Variants in KLHL31 observed in about 807,000 individuals in gnomAD.
KLHL31 encodes the protein kelch like family member 31, also known as kelch-like protein 31.
Under a neutral mutation model 47.1 loss-of-function variants are expected in KLHL31, and 32 were observed. The observed-to-expected ratio is 0.68, with a 90% confidence interval of 0.51 to 0.91. KLHL31 has a LOEUF of 0.91. Ranked by LOEUF, KLHL31 falls within the 40% of genes least tolerant of loss-of-function variation. The pLI is 0.00. For missense variants in KLHL31, 797 were observed against 819.3 expected (o/e 0.97, Z 0.33); for synonymous variants, 330 against 325.1 (o/e 1.01, Z -0.16).
chr6:53,661,516 C>T (rs947431259), intron 1 of KLHL31, among the ~76,000 whole-genome samples: 138 of 152,170 alleles, frequency 9.1e-4, no homozygotes, highest in African/African-American at 3.1e-3. Flanking sequence ...CATAAAAGGC[C>T]AGCAAAGTAA....
In KLHL31 at chr6:53,654,972, T is replaced by A; in HGVS notation, c.301A>T (p.Ile101Phe). 6.2e-7 allele frequency: 1 copy of A among 1,614,178 alleles called. No individual in the cohort carries two copies. Among genetic ancestry groups the A allele is most frequent in the Non-Finnish European group, 8.5e-7 (1 of 1,180,040 alleles). The part of the protein sequence containing the change: ...MASCSEYFYN[I>F]LKKDPSIQRV... ...TGAATTGACGGGTCTTTTTTTAGGA[T>A]GTTGTAAAAATACTCACTGCATGAA... The change falls in exon 2 of 3, where the codon ATC (isoleucine) becomes TTC (phenylalanine). Residue 101 changes from isoleucine (I) to phenylalanine (F), a missense_variant. Physicochemically the swap from Ile to Phe is conservative, Grantham distance 21. Coordinates refer to ENST00000370905, the MANE Select transcript of KLHL31 (RefSeq NM_001003760.5).
At chr6:53,661,096 G>A (rs1022228377) in intron 1 of KLHL31, among the ~76,000 whole-genome samples, 6 of 152,094 alleles carry the variant, frequency 3.9e-5, no homozygotes, top group African/African-American at 1.2e-4. Context: ...TTGACTTCAG[G>A]GCTGCAGAGT....
At position 53,654,528 on chromosome 6, in the gene KLHL31, T is replaced by C. The variant is rs766927812; in HGVS notation, c.745A>G (p.Lys249Glu). Residue 249 changes from lysine to glutamate, a missense_variant, in exon 2 of 3, where the codon AAA (lysine) becomes GAA (glutamate). Physicochemically the swap from Lys to Glu is moderately conservative, Grantham distance 56. Transcript: ENST00000370905. ...KWLEFDQKRVKYAADLLSNIR... is the reference protein window; with the variant it reads ...KWLEFDQKRVEYAADLLSNIR... ...TTGCTCAAAAGATCTGCAGCGTATT[T>C]TACTCTCTTTTGGTCAAATTCTAAC... 5 of 1,614,118 alleles carry C rather than the reference T, an allele frequency of 3.1e-6. No individual in the cohort carries two copies. The African/African-American group carries it at 6.7e-5, about 22-fold the overall frequency.
chr6:53,655,962 C>A (rs535017691), intron 1 of KLHL31, among the ~76,000 whole-genome samples: 1 of 152,192 alleles, frequency 6.6e-6, no homozygotes, highest in South Asian at 2.1e-4. Flanking sequence ...ATTTAAAGGG[C>A]TTAGTTTACT....
chr6:53,653,784 T>C (rs1259445236), intron 2 of KLHL31, among the ~76,000 whole-genome samples: 1 of 152,236 alleles, frequency 6.6e-6, no homozygotes, highest in African/African-American at 2.4e-5. Context: ...AGTACCCAAC[T>C]AGAAGTGAGT....
In KLHL31 at chr6:53,648,363, T is replaced by C. The variant is rs1275381635; in HGVS notation, c.*3235A>G. 6.6e-6 allele frequency: 1 copy of C among 152,146 alleles called. No individual in the cohort carries two copies. The highest frequency in any genetic ancestry group is 1.9e-4 in the East Asian group (1 of 5,206). 9.4% of individuals were successfully genotyped at this position (152,146 alleles called of 1,614,324 possible). On this transcript the variant is annotated 3_prime_UTR_variant, in exon 3 of 3. Transcript: ENST00000370905. ...TTACATAAATTCATTTGGTTGTAAC[T>C]AAGGGAAAAAAATTAATGAGGTGAT...
chr6:53,654,603 C>A lies in KLHL31; in HGVS notation c.670G>T (p.Asp224Tyr), dbSNP rs114838104. Residue 224 changes from aspartate (D) to tyrosine (Y), a missense_variant, in exon 2 of 3, where the codon GAC becomes TAC. By Grantham distance (160) the Asp-to-Tyr change is radical. Transcript: ENST00000370905. ...EQINELLIDD[D>Y]LQLPSEIVAF... ...ACTATCTCAGAAGGCAACTGTAAGTCATCATCTATAAGAAGTTCATTAATT... is the reference window on the plus strand; with the variant it reads ...ACTATCTCAGAAGGCAACTGTAAGTAATCATCTATAAGAAGTTCATTAATT... 1 of 1,614,156 alleles carries A rather than the reference C, an allele frequency of 6.2e-7. No individual in the cohort carries two copies. The highest frequency in any genetic ancestry group is 8.5e-7 in the Non-Finnish European group (1 of 1,180,032).
rs116221345 is a variant in KLHL31 at position 53,651,788 on chromosome 6, C to T, written c.1715G>A (p.Gly572Asp). ...GTACTTCTTCTCGCCCTCGTTCCAG[C>T]CCCCCACCAGGTAGGCGCGGCCATG... The part of the protein sequence containing the change: ...ALHGRAYLVG[G>D]WNEGEKKYKK... Residue 572 changes from glycine (G) to aspartate (D), a missense_variant, in exon 3 of 3, where the codon GGC (glycine) becomes GAC (aspartate). Transcript: ENST00000370905. 2 of 1,613,518 alleles carry T rather than the reference C, an allele frequency of 1.2e-6. No homozygotes were observed. Among genetic ancestry groups the T allele is most frequent in the African/African-American group, 1.3e-5 (1 of 75,052 alleles).
At chr6:53,655,785 T>C (rs1764553584) in intron 1 of KLHL31, among the ~76,000 whole-genome samples, 1 of 151,962 alleles carries the variant, frequency 6.6e-6, no homozygotes, top group South Asian at 2.1e-4. Context: ...TTTTGTATTT[T>C]TGGTAGAGAT....
chr6:53,654,975 T>C lies in KLHL31; in HGVS notation c.298A>G (p.Asn100Asp). Residue 100 changes from asparagine (N) to aspartate (D), a missense_variant, in exon 2 of 3, where the codon AAC (asparagine) becomes GAC (aspartate). By Grantham distance (23) the Asn-to-Asp change is conservative. Transcript: ENST00000370905. ...VMASCSEYFY[N>D]ILKKDPSIQR... ...ATTGACGGGTCTTTTTTTAGGATGT[T>C]GTAAAAATACTCACTGCATGAAGCC... 2 of 1,614,214 alleles carry C rather than the reference T, an allele frequency of 1.2e-6. No homozygotes were observed. The highest frequency in any genetic ancestry group is 1.7e-6 in the Non-Finnish European group (2 of 1,180,038).
intron 1 of KLHL31, among the ~76,000 whole-genome samples, chr6:53,664,796 C>T (rs540253750): frequency 8.7e-4 from 132 of 152,262 alleles, no homozygotes; most frequent in African/African-American, 2.9e-3. Context: ...GAATCAGCTG[C>T]GCCTGCTCCC....
chr6:53,658,524 C>T (rs1379876808), intron 1 of KLHL31, among the ~76,000 whole-genome samples: 2 of 151,932 alleles, frequency 1.3e-5, no homozygotes, highest in Non-Finnish European at 1.5e-5. Flanking sequence ...CCCAGCAGTC[C>T]CCCTAAGGTA....
At position 53,664,719 on chromosome 6, in the gene KLHL31, A is replaced by G. The variant is rs1764694504; in HGVS notation, c.-34+882T>C. Among the ~76,000 whole-genome samples, 4 of 152,204 alleles carry G rather than the reference A, an allele frequency of 2.6e-5. 1 individual carries two copies. In the South Asian group the frequency reaches 8.3e-4, roughly 32 times the overall value. On this transcript the variant is annotated intron_variant, in intron 1 of 2. Transcript: ENST00000370905. ...GGTAAACTGGAAAGCCATGTGTGCT[A>G]AAGTGTCACTGTCACTCTCATGCCA...
chr6:53,659,134 C>G (rs1426336052), intron 1 of KLHL31, among the ~76,000 whole-genome samples: 1 of 152,156 alleles, frequency 6.6e-6, no homozygotes, highest in Non-Finnish European at 1.5e-5. Context: ...CCTGTTTAAG[C>G]TTTAGAATGA....
In KLHL31 at chr6:53,650,707, T is replaced by C. The variant is rs1016233431; in HGVS notation, c.*891A>G. 1 of 152,248 alleles carries C rather than the reference T, an allele frequency of 6.6e-6. No individual in the cohort carries two copies. Among genetic ancestry groups the C allele is most frequent in the African/African-American group, 2.4e-5 (1 of 41,462 alleles). The allele number at this position is 152,248 out of a possible 1,614,324, so 9.4% of individuals were successfully genotyped here. The stretch of plus-strand genomic sequence containing the variant: ...CGCGGGGTGTACATTAGGGCCAAGG[T>C]TGCCTTTAACCAGGTTGGTGTAGTT... On this transcript the variant is annotated 3_prime_UTR_variant, in exon 3 of 3. Coordinates refer to ENST00000370905, the MANE Select transcript of KLHL31 (RefSeq NM_001003760.5).
intron 1 of KLHL31, among the ~76,000 whole-genome samples, chr6:53,662,121 G>A (rs957419378): frequency 6.6e-6 from 1 of 152,096 alleles, no homozygotes. Context: ...CCCTAGGGAG[G>A]GCTTTGACTC....
intron 1 of KLHL31, among the ~76,000 whole-genome samples, chr6:53,660,763 G>A (rs527789846): frequency 1.3e-5 from 2 of 152,350 alleles, no homozygotes; most frequent in African/African-American, 4.8e-5. Context: ...GTTGCAGTGA[G>A]CTGATATTGC....
At position 53,652,004 on chromosome 6, in the gene KLHL31, C is replaced by T; in HGVS notation, c.1499G>A (p.Ser500Asn). 1 of 1,592,522 alleles carries T rather than the reference C, an allele frequency of 6.3e-7. No individual in the cohort carries two copies. The change falls in exon 3 of 3, where the codon AGC (serine) becomes AAC (asparagine). Residue 500 changes from serine (S) to asparagine (N), a missense_variant. Transcript: ENST00000370905. ...CGCGCAGTGCCAGCCCCGGGGTGTG[C>T]TGAGGTTCGGCAGCTCCTGCCACGA... ...SDSWQELPNLSTPRGWHCAVT... is the reference protein window; with the variant it reads ...SDSWQELPNLNTPRGWHCAVT...
At chr6:53,657,970 T>A (rs1242419174) in intron 1 of KLHL31, among the ~76,000 whole-genome samples, 2 of 152,230 alleles carry the variant, frequency 1.3e-5, no homozygotes, top group African/African-American at 4.8e-5. Context: ...AATGCATCCT[T>A]ACCTTGTGAA....
Sources: gnomAD v4.1 joint callset for allele counts (sites outside exome capture counted in the v4.1 genomes callset) on GRCh38, gnomAD v4.1.1 for gene constraint, MANE v1.5 for transcripts, NCBI Gene and HGNC (gene_info 2026-07-23, HGNC 2026-07-21) for gene names.